Variants in GRIP1 observed in about 807,000 individuals in gnomAD.
The protein encoded by GRIP1 is glutamate receptor interacting protein 1, also known as glutamate receptor-interacting protein 1.
GRIP1 carries 45 observed loss-of-function variants against 129.9 expected under a neutral mutation model. The ratio of observed to expected loss-of-function variants is 0.35; its 90% CI spans 0.27 to 0.44. The LOEUF is 0.44. Among genes scored for constraint, GRIP1 ranks in the 20% least tolerant of loss-of-function variants. The pLI is 1.00. For missense variants in GRIP1, 1,196 were observed against 1,396.8 expected (o/e 0.86, Z 2.29); for synonymous variants, 530 against 520.8 (o/e 1.02, Z -0.24).
chr12:66,847,210 TC>T, intron 1 of GRIP1, among the ~76,000 whole-genome samples: 1 of 152,288 alleles, frequency 6.6e-6, no homozygotes, highest in East Asian at 1.9e-4. Flanking sequence ...GTCATTCTCT[TC>T]CACTGTCAAC....
At chr12:66,377,508 T>C (rs569639043) in intron 20 of GRIP1, among the ~76,000 whole-genome samples, 170 of 150,790 alleles carry the variant, frequency 1.1e-3, no homozygotes, top group Non-Finnish European at 1.8e-3. Flanking sequence ...TTTTTTTTTT[T>C]TTTTGTATTT....
At chr12:66,708,492 T>G (rs1320984330) in intron 1 of GRIP1, among the ~76,000 whole-genome samples, 2 of 151,956 alleles carry the variant, frequency 1.3e-5, no homozygotes, top group Non-Finnish European at 2.9e-5. Context: ...CATTTGTATC[T>G]TATTTTCTTA....
intron 1 of GRIP1, among the ~76,000 whole-genome samples, chr12:67,060,679 C>A (rs1457100065): frequency 6.6e-6 from 1 of 151,872 alleles, no homozygotes; most frequent in African/African-American, 2.4e-5. Context: ...AAAAATTAGT[C>A]AGGTGTGGTG....
chr12:66,547,336 T>C (rs2061978914), intron 2 of GRIP1, among the ~76,000 whole-genome samples: 1 of 152,094 alleles, frequency 6.6e-6, no homozygotes, highest in Non-Finnish European at 1.5e-5. Flanking sequence ...GAATGTAAAA[T>C]AGGACAACTA....
intron 1 of GRIP1, among the ~76,000 whole-genome samples, chr12:66,755,269 C>T (rs2037251983): frequency 6.6e-6 from 1 of 152,168 alleles, no homozygotes; most frequent in Non-Finnish European, 1.5e-5. Flanking sequence ...CTTAAAGCTG[C>T]TCTCTTTCAT....
At chr12:66,758,430 T>A (rs2037367451) in intron 1 of GRIP1, among the ~76,000 whole-genome samples, 1 of 150,224 alleles carries the variant, frequency 6.7e-6, no homozygotes, top group African/African-American at 2.5e-5. Flanking sequence ...GGAGACACAA[T>A]TCAAGTTGAC....
At chr12:67,001,102 T>A (rs1389692529) in intron 1 of GRIP1, among the ~76,000 whole-genome samples, 11 of 152,206 alleles carry the variant, frequency 7.2e-5, no homozygotes, top group Non-Finnish European at 1.5e-4. Context: ...CCTGTGCTTT[T>A]GTAAAATGCT....
At chr12:66,856,080 G>A (rs1417369045) in intron 1 of GRIP1, among the ~76,000 whole-genome samples, 1 of 151,908 alleles carries the variant, frequency 6.6e-6, no homozygotes, top group Non-Finnish European at 1.5e-5. Flanking sequence ...AATCAAAAGT[G>A]AAACCATCTT....
At chr12:66,957,700 C>T (rs1359623707) in intron 1 of GRIP1, among the ~76,000 whole-genome samples, 1 of 152,150 alleles carries the variant, frequency 6.6e-6, no homozygotes, top group African/African-American at 2.4e-5. Flanking sequence ...ATTTTCATCA[C>T]TTCACATTAA....
At chr12:67,028,145 T>C (rs907856892) in intron 1 of GRIP1, among the ~76,000 whole-genome samples, 21 of 152,182 alleles carry the variant, frequency 1.4e-4, no homozygotes, top group African/African-American at 4.8e-4. Flanking sequence ...CTGGATCCAC[T>C]GAGGAACCCC....
At chr12:66,461,367 T>G (rs1334721099) in intron 9 of GRIP1, among the ~76,000 whole-genome samples, 1 of 152,244 alleles carries the variant, frequency 6.6e-6, no homozygotes, top group Non-Finnish European at 1.5e-5. Flanking sequence ...TTATGGCTAC[T>G]GTGCTCCAAA....
chr12:66,723,196 ATCT>A lies in GRIP1; in HGVS notation c.-420+80854_-420+80856del, dbSNP rs1446519877. On this transcript the variant is annotated intron_variant, in intron 1 of 4. Transcript: ENST00000538373. ...GGGAATCTTCCACCTAGGGTTTTTC[ATCT>A]TCTTTTCTTTCTTTCTTTCTTTCTT... Among the ~76,000 whole-genome samples, 9 of 130,812 alleles carry A rather than the reference ATCT, an allele frequency of 6.9e-5. No homozygotes were observed. In the East Asian group the frequency reaches 1.9e-3, roughly 28 times the overall value. The allele number at this position is 130,812 out of a possible 152,430, so 85.8% of individuals were successfully genotyped here.
At chr12:66,925,274 G>A (rs2041278342) in intron 1 of GRIP1, among the ~76,000 whole-genome samples, 1 of 152,156 alleles carries the variant, frequency 6.6e-6, no homozygotes, top group African/African-American at 2.4e-5. Flanking sequence ...GAATAAGGAA[G>A]TACCAATGAA....
intron 1 of GRIP1, among the ~76,000 whole-genome samples, chr12:67,041,322 GTGTA>G (rs911676884): frequency 1.3e-5 from 2 of 151,728 alleles, no homozygotes; most frequent in African/African-American, 4.9e-5. Flanking sequence ...ATATACACGT[GTGTA>G]TGTGTGTGTG....
intron 1 of GRIP1, among the ~76,000 whole-genome samples, chr12:66,791,904 A>G (rs1430690224): frequency 6.6e-6 from 1 of 152,142 alleles, no homozygotes; most frequent in African/African-American, 2.4e-5. Flanking sequence ...CCACTCAAAA[A>G]TGGGAACATG....
chr12:66,796,145 TGAA>T, intron 1 of GRIP1, among the ~76,000 whole-genome samples: 1 of 152,040 alleles, frequency 6.6e-6, no homozygotes, highest in Non-Finnish European at 1.5e-5. Context: ...CTCCTCTATG[TGAA>T]TAGCAACAGC....
At chr12:66,651,963 C>A (rs1032978936) in intron 1 of GRIP1, among the ~76,000 whole-genome samples, 2 of 151,840 alleles carry the variant, frequency 1.3e-5, no homozygotes, top group African/African-American at 4.8e-5. Flanking sequence ...TCTGGAAATA[C>A]TTGTGAGAAA....
chr12:66,649,852 A>C (rs2032660296), intron 1 of GRIP1, among the ~76,000 whole-genome samples: 1 of 152,226 alleles, frequency 6.6e-6, no homozygotes, highest in African/African-American at 2.4e-5. Flanking sequence ...AATATATCAG[A>C]TTTCCTTGGG....
chr12:66,690,591 C>A (rs796459398), intron 1 of GRIP1, among the ~76,000 whole-genome samples: 9 of 151,506 alleles, frequency 5.9e-5, no homozygotes, highest in African/African-American at 2.2e-4. Flanking sequence ...TTAGACCAAG[C>A]ACGATGGCTC....
Sources: allele counts gnomAD v4.1 joint callset (sites outside exome capture counted in the v4.1 genomes callset), GRCh38; gene constraint gnomAD v4.1.1; transcripts MANE v1.5; gene names NCBI Gene and HGNC (gene_info 2026-07-23, HGNC 2026-07-21).